Variants in ENTHD1 observed in about 807,000 individuals in gnomAD.
The protein encoded by ENTHD1 is ENTH domain containing 1.
A neutral mutation model predicts 39.1 loss-of-function variants in ENTHD1; 23 were observed. That is an observed-to-expected ratio of 0.59 (90% confidence interval 0.42 to 0.83). The LOEUF is 0.83. Among genes scored for constraint, ENTHD1 ranks in the 40% least tolerant of loss-of-function variants. The probability of loss-of-function intolerance (pLI) is 0.00; values close to 1 mark genes in which losing one functional copy is unlikely to be tolerated. For missense variants in ENTHD1, 624 were observed against 705.4 expected, an observed-to-expected ratio of 0.88 and a Z score of 1.31; for synonymous variants, 230 against 258.2, an observed-to-expected ratio of 0.89 and a Z score of 1.05.
At chr22:39,844,387 C>G (rs1244833790) in intron 3 of ENTHD1, among the ~76,000 whole-genome samples, 1 of 152,056 alleles carries the variant, frequency 6.6e-6, no homozygotes, top group Non-Finnish European at 1.5e-5. Context: ...GTAGTTCTCA[C>G]TTAAGAATAA....
chr22:39,821,470 A>G (rs2065782898), intron 4 of ENTHD1, among the ~76,000 whole-genome samples: 1 of 152,214 alleles, frequency 6.6e-6, no homozygotes, highest in Non-Finnish European at 1.5e-5. Context: ...ATTCATATTT[A>G]AAACTTTTAA....
chr22:39,835,294 G>A (rs2146675839), intron 4 of ENTHD1, among the ~76,000 whole-genome samples: 1 of 152,144 alleles, frequency 6.6e-6, no homozygotes, highest in East Asian at 1.9e-4. Context: ...AACTTCCTGT[G>A]AGTATACAAT....
At chr22:39,864,092 A>T (rs1332131777) in intron 2 of ENTHD1, among the ~76,000 whole-genome samples, 1 of 152,238 alleles carries the variant, frequency 6.6e-6, no homozygotes, top group African/African-American at 2.4e-5. Context: ...TGATAAACAG[A>T]AGTCGGCTGT....
In ENTHD1 at chr22:39,867,976, G is replaced by T. The variant is rs1321065443; in HGVS notation, c.350-5969C>A. Among the ~76,000 whole-genome samples, 2 of 152,178 alleles carry T rather than the reference G, an allele frequency of 1.3e-5. No individual in the cohort carries two copies. The highest frequency in any genetic ancestry group is 2.9e-5 in the Non-Finnish European group (2 of 68,038). Reference sequence around the variant, plus strand: ...GTGAGCGAGGCTGAAGCCAAGGGCTGCTGGGCTCTTGATCTGCCAGCCCAG... The same window carrying T: ...GTGAGCGAGGCTGAAGCCAAGGGCTTCTGGGCTCTTGATCTGCCAGCCCAG... On this transcript the variant is annotated intron_variant, in intron 2 of 6. Transcript: ENST00000325157. This position sits in a 1 kb window ranked among gnomAD's most constrained non-coding sequence, Gnocchi z 4.5.
At chr22:39,768,829 T>C (rs2065298770) in intron 5 of ENTHD1, among the ~76,000 whole-genome samples, 1 of 152,148 alleles carries the variant, frequency 6.6e-6, no homozygotes, top group South Asian at 2.1e-4. Flanking sequence ...GAAATCATTG[T>C]TAGTACCCAC....
At chr22:39,821,252 CT>C in intron 4 of ENTHD1, 139 bp from the exon 5 acceptor site, 1 of 1,105,062 alleles carries the variant, frequency 9.0e-7, no homozygotes, top group South Asian at 1.6e-5. Context: ...AAACATACAT[CT>C]ATCACTTGGC....
chr22:39,760,653 T>A (rs755695054), intron 6 of ENTHD1, among the ~76,000 whole-genome samples: 2 of 152,070 alleles, frequency 1.3e-5, no homozygotes, highest in African/African-American at 2.4e-5. Flanking sequence ...TTAGGTCTTC[T>A]ATTTTGCTAT....
intron 6 of ENTHD1, among the ~76,000 whole-genome samples, chr22:39,747,972 G>C (rs1274434114): frequency 6.6e-6 from 1 of 152,056 alleles, no homozygotes; most frequent in Non-Finnish European, 1.5e-5. Flanking sequence ...GACCCGGCTG[G>C]GCATGGTGGC....
chr22:39,853,325 G>T (rs559954467), intron 3 of ENTHD1, among the ~76,000 whole-genome samples: 40 of 152,210 alleles, frequency 2.6e-4, no homozygotes, highest in African/African-American at 9.6e-4. Flanking sequence ...AAGGTCAGGA[G>T]TTCGAGACCA....
chr22:39,784,799 G>T (rs1053091848), intron 5 of ENTHD1, among the ~76,000 whole-genome samples: 2 of 152,194 alleles, frequency 1.3e-5, no homozygotes, highest in African/African-American at 4.8e-5. Flanking sequence ...GGGATGCAGG[G>T]AAGTTGATTA....
intron 4 of ENTHD1, among the ~76,000 whole-genome samples, chr22:39,831,698 C>T (rs1341835153): frequency 6.6e-6 from 1 of 151,342 alleles, no homozygotes; most frequent in African/African-American, 2.4e-5. Flanking sequence ...TAGTGGCGGG[C>T]GTCTGTATAC....
chr22:39,786,173 T>C (rs1483518807), intron 5 of ENTHD1, among the ~76,000 whole-genome samples: 1 of 152,170 alleles, frequency 6.6e-6, no homozygotes, highest in Non-Finnish European at 1.5e-5. Flanking sequence ...CTCCCTGTCT[T>C]CAACTTTTTC....
intron 2 of ENTHD1, among the ~76,000 whole-genome samples, chr22:39,879,888 T>C (rs1370910953): frequency 6.6e-6 from 1 of 152,238 alleles, no homozygotes; most frequent in African/African-American, 2.4e-5. Flanking sequence ...GGTGAATGGA[T>C]AAATTTACTG....
chr22:39,805,659 G>T (rs896586883), intron 5 of ENTHD1, among the ~76,000 whole-genome samples: 2 of 152,160 alleles, frequency 1.3e-5, no homozygotes, highest in Non-Finnish European at 2.9e-5. Flanking sequence ...ATGCCAAGCA[G>T]GTCCCCAGAA....
chr22:39,887,339 G>C (rs1415797294), intron 2 of ENTHD1, 61 bp downstream of exon 2: 2 of 1,418,990 alleles, frequency 1.4e-6, no homozygotes, highest in African/African-American at 2.9e-5. Flanking sequence ...AGCCTCCCAT[G>C]CACCAGGATT....
chr22:39,875,990 T>C, intron 2 of ENTHD1: 1 of 1,613,960 alleles, frequency 6.2e-7, no homozygotes, highest in South Asian at 1.1e-5. Flanking sequence ...TTTTGGTGGT[T>C]ATTACTGCCC....
intron 1 of ENTHD1, among the ~76,000 whole-genome samples, chr22:39,890,702 G>A (rs1249463696): frequency 2.6e-5 from 4 of 152,052 alleles, no homozygotes; most frequent in Non-Finnish European, 4.4e-5. Flanking sequence ...ATCCAATAGA[G>A]TAGTTTAAAA....
intron 5 of ENTHD1, among the ~76,000 whole-genome samples, chr22:39,785,369 A>G (rs1200604880): frequency 6.6e-6 from 1 of 152,124 alleles, no homozygotes; most frequent in Non-Finnish European, 1.5e-5. Context: ...CTGCTCTCTC[A>G]TCTTGGGCAG....
rs562462969 is a variant in ENTHD1 at position 39,867,652 on chromosome 22, C to A, written c.350-5645G>T. Among the ~76,000 whole-genome samples the A allele has an allele frequency of 6.6e-6, 1 of 152,058 alleles. No homozygotes were observed. Among genetic ancestry groups the A allele is most frequent in the Non-Finnish European group, 1.5e-5 (1 of 68,020 alleles). ...TACCCTCCACAATGCCTTCAGGTAA[C>A]GCGGTGGGGGTAGAAAGGGAGGGGA... On this transcript the variant is annotated intron_variant, in intron 2 of 6. Transcript: ENST00000325157. This position sits in a 1 kb window ranked among gnomAD's most constrained non-coding sequence, Gnocchi z 4.5.
Sources: gnomAD v4.1 joint callset for allele counts (sites outside exome capture counted in the v4.1 genomes callset) on GRCh38, gnomAD v4.1.1 for gene constraint, Gnocchi (gnomAD v3.1) non-coding constraint, MANE v1.5 for transcripts, NCBI Gene and HGNC (gene_info 2026-07-23, HGNC 2026-07-21) for gene names.